Variants in ZC3HAV1 observed in about 807,000 individuals in gnomAD.
ZC3HAV1 encodes zinc finger CCCH-type antiviral protein 1.
A neutral mutation model predicts 86.6 loss-of-function variants in ZC3HAV1; 41 were observed. That is an observed-to-expected ratio of 0.47 (90% CI 0.37 to 0.61). The LOEUF (loss-of-function observed/expected upper bound fraction) is 0.61, where lower values mean the gene tolerates loss of function less well. Ranked by LOEUF, ZC3HAV1 falls within the 20% of genes least tolerant of loss-of-function variation. ZC3HAV1 has a pLI of 0.00. For missense variants in ZC3HAV1, 964 were observed against 1,141.1 expected (o/e 0.84, Z 2.24); for synonymous variants, 421 against 432.1 (o/e 0.97, Z 0.32).
chr7:139,108,903 A>T lies in ZC3HAV1; in HGVS notation c.308+121T>A, dbSNP rs878919793. ...GGGGAGCAGAGAAGGGAGTGGCTGGAGGCGGAGGCTGTCAGGTGCGGGGTC... is the reference window on the plus strand; with the variant it reads ...GGGGAGCAGAGAAGGGAGTGGCTGGTGGCGGAGGCTGTCAGGTGCGGGGTC... On this transcript the variant is annotated intron_variant, in intron 1 of 12. Coordinates refer to ENST00000242351, the MANE Select transcript of ZC3HAV1 (RefSeq NM_020119.4). This position sits in a 1 kb window ranked among gnomAD's most constrained non-coding sequence, Gnocchi z 4.2. The T allele has an allele frequency of 7.8e-7, 1 of 1,274,804 alleles. No individual in the cohort carries two copies. The highest frequency in any genetic ancestry group is 1.1e-6 in the Non-Finnish European group (1 of 946,212). 79.0% of individuals were successfully genotyped at this position (1,274,804 alleles called of 1,614,324 possible).
chr7:139,074,039 G>A lies in ZC3HAV1; in HGVS notation c.1698-9C>T, dbSNP rs1343165566. The stretch of plus-strand genomic sequence containing the variant: ...AACTTCCTACAGAACAGCTGAGAGA[G>A]AAAAGTATTAAGTTAACATAATGCT... On this transcript the variant is annotated splice_polypyrimidine_tract_variant and intron_variant, in intron 6 of 12. Coordinates refer to ENST00000242351, the MANE Select transcript of ZC3HAV1 (RefSeq NM_020119.4). 6.2e-7 allele frequency: 1 copy of A among 1,608,604 alleles called. No individual in the cohort carries two copies. The highest frequency in any genetic ancestry group is 1.7e-5 in the Admixed American group (1 of 59,686).
chr7:139,045,091 C>T lies in ZC3HAV1; in HGVS notation c.*2503G>A, dbSNP rs1272446690. 3.3e-5 allele frequency: 5 copies of T among 152,128 alleles called. No homozygotes were observed. Among genetic ancestry groups the T allele is most frequent in the African/African-American group, 1.2e-4 (5 of 41,518 alleles). The allele number at this position is 152,128 out of a possible 1,614,324, so 9.4% of individuals were successfully genotyped here. On this transcript the variant is annotated 3_prime_UTR_variant, in exon 13 of 13. Transcript: ENST00000242351. ...GTTACAGCTGTGCCCAAGTTAGGTA[C>T]CTTTTATTTCCTCTTTATGTTCATA...
chr7:139,098,962 T>C (rs1817680019), intron 1 of ZC3HAV1, among the ~76,000 whole-genome samples: 1 of 152,218 alleles, frequency 6.6e-6, no homozygotes, highest in Admixed American at 6.5e-5. Flanking sequence ...TAGAACCATT[T>C]AATGGATGGA....
intron 12 of ZC3HAV1, chr7:139,049,587 C>A (rs1360298409): frequency 1.3e-5 from 2 of 152,404 alleles, no homozygotes; most frequent in Non-Finnish European, 2.9e-5. Flanking sequence ...GCAGGGGGAG[C>A]TTAGGCATGA....
intron 1 of ZC3HAV1, among the ~76,000 whole-genome samples, chr7:139,096,510 G>T (rs1817592322): frequency 1.3e-5 from 2 of 152,152 alleles, no homozygotes; most frequent in African/African-American, 4.8e-5. Context: ...AGGGGTAGAA[G>T]CCTCTAGAAT....
rs146316959 is a variant in ZC3HAV1, at chr7:139,102,972, A to ATGTG, written c.308+6048_308+6051dup. ...TATGTATATGTATATGTATATGTAT[A>ATGTG]TGTGTGTGTGTGTTTATATATGATA... On this transcript the variant is annotated intron_variant, in intron 1 of 12. Transcript: ENST00000242351. Among the ~76,000 whole-genome samples, 12 of 87,980 alleles carry ATGTG rather than the reference A, an allele frequency of 1.4e-4. No homozygotes were observed. The South Asian group carries it at 1.5e-3, about 11-fold the overall frequency. The allele number at this position is 87,980 out of a possible 152,430, so 57.7% of individuals were successfully genotyped here.
intron 10 of ZC3HAV1, among the ~76,000 whole-genome samples, chr7:139,054,491 A>G (rs1264865847): frequency 6.6e-6 from 1 of 152,254 alleles, no homozygotes; most frequent in Admixed American, 6.5e-5. Flanking sequence ...TGATCCAACT[A>G]GGTTAAGTGA....
At chr7:139,069,007 AGGTG>A (rs771753969) in intron 7 of ZC3HAV1, among the ~76,000 whole-genome samples, 11 of 152,212 alleles carry the variant, frequency 7.2e-5, no homozygotes, top group Non-Finnish European at 1.5e-4. Flanking sequence ...GTCAATTACC[AGGTG>A]TTTCTATTGT....
chr7:139,053,371 T>C, intron 12 of ZC3HAV1, 80 bp downstream of exon 12: 2 of 1,443,482 alleles, frequency 1.4e-6, no homozygotes, highest in South Asian at 3.2e-5. Context: ...ACAAAATAAT[T>C]ACATATACCT....
At chr7:139,087,703 A>G (rs528532528) in intron 2 of ZC3HAV1, among the ~76,000 whole-genome samples, 9 of 152,282 alleles carry the variant, frequency 5.9e-5, no homozygotes, top group African/African-American at 2.2e-4. Context: ...TTAAGCCTCC[A>G]GAAGTCCCCA....
intron 3 of ZC3HAV1, among the ~76,000 whole-genome samples, chr7:139,081,924 A>T (rs1041669126): frequency 6.6e-6 from 1 of 152,242 alleles, no homozygotes; most frequent in African/African-American, 2.4e-5. Context: ...CACTTCATAA[A>T]GACATTAAAA....
chr7:139,053,601 A>G lies in ZC3HAV1; in HGVS notation c.2319-20T>C, dbSNP rs375095007. 24 of 1,567,336 alleles carry G rather than the reference A, an allele frequency of 1.5e-5. No homozygotes were observed. In the African/African-American group the frequency reaches 3.0e-4, roughly 20 times the overall value. On this transcript the variant is annotated intron_variant, in intron 11 of 12. Transcript: ENST00000242351. Reference sequence around the variant, plus strand: ...TTCTTCCTAATATAAGAGATGTGAGACTTAACACGGAGACATCCCCTTCCC... The same window carrying G: ...TTCTTCCTAATATAAGAGATGTGAGGCTTAACACGGAGACATCCCCTTCCC...
chr7:139,070,037 A>G (rs951273701), intron 7 of ZC3HAV1, among the ~76,000 whole-genome samples: 7 of 152,008 alleles, frequency 4.6e-5, no homozygotes, highest in Non-Finnish European at 1.0e-4. Flanking sequence ...TGGAAACATT[A>G]TTTTAATTTT....
At chr7:139,047,945 C>A in intron 12 of ZC3HAV1, 92 bp from the exon 13 acceptor site, 1 of 1,310,680 alleles carries the variant, frequency 7.6e-7, no homozygotes, top group East Asian at 2.5e-5. Flanking sequence ...TGGGTGTGGA[C>A]TAAGCATATG....
At chr7:139,090,004 C>T (rs112076288) in intron 1 of ZC3HAV1, among the ~76,000 whole-genome samples, 10,014 of 152,228 alleles carry the variant, frequency 0.066, 355 homozygotes, top group African/African-American at 0.085. Flanking sequence ...ACTGCAACCT[C>T]CACCTCCTGC....
chr7:139,073,736 C>G, intron 7 of ZC3HAV1, 120 bp downstream of exon 7: 1 of 967,524 alleles, frequency 1.0e-6, no homozygotes, highest in Non-Finnish European at 1.4e-6. Flanking sequence ...GGTGATCCAC[C>G]TGCCTCAGCC....
At chr7:139,095,561 G>A (rs888465368) in intron 1 of ZC3HAV1, among the ~76,000 whole-genome samples, 1 of 152,230 alleles carries the variant, frequency 6.6e-6, no homozygotes, top group Non-Finnish European at 1.5e-5. Flanking sequence ...GCACCGAGGA[G>A]GAAGAGGAAA....
chr7:139,048,544 A>G (rs1425553820), intron 12 of ZC3HAV1, among the ~76,000 whole-genome samples: 12 of 152,058 alleles, frequency 7.9e-5, no homozygotes, highest in Non-Finnish European at 1.6e-4. Flanking sequence ...TTGAGGCTGC[A>G]GTAAGCTAGG....
Position 139,079,739 on chromosome 7 carries a change from T to C in ZC3HAV1, c.1202A>G (p.Lys401Arg), listed in dbSNP as rs2130705699. The change falls in exon 4 of 13, where the codon AAG (lysine) becomes AGG (arginine). Residue 401 changes from lysine (K) to arginine (R), a missense_variant. By Grantham distance (26) the Lys-to-Arg change is conservative (BLOSUM62 2). Coordinates refer to ENST00000242351, the MANE Select transcript of ZC3HAV1 (RefSeq NM_020119.4). ...GTCTGAGGAAAGCAAGCCTGTGCCC[T>C]TTCTGGTGGTCACAGCTTCAGGTGT... ...LQTPEAVTTR[K>R]GTGLLSSDYR... 1 of 1,614,180 alleles carries C rather than the reference T, an allele frequency of 6.2e-7. No individual in the cohort carries two copies. The highest frequency in any genetic ancestry group is 8.5e-7 in the Non-Finnish European group (1 of 1,180,036).
Sources: gnomAD v4.1 joint callset for allele counts (sites outside exome capture counted in the v4.1 genomes callset) on GRCh38, gnomAD v4.1.1 for gene constraint, Gnocchi (gnomAD v3.1) non-coding constraint, MANE v1.5 for transcripts, NCBI Gene and HGNC (gene_info 2026-07-23, HGNC 2026-07-21) for gene names.